Variants in UBE2W observed in about 807,000 individuals in gnomAD.
UBE2W encodes the protein ubiquitin conjugating enzyme E2 W.
UBE2W carries 18 observed loss-of-function variants against 27.2 expected under a neutral mutation model. That is an observed-to-expected ratio of 0.66 (90% CI 0.46 to 0.98). UBE2W has a LOEUF of 0.98. Ranked by LOEUF, UBE2W falls within the 50% of genes least tolerant of loss-of-function variation. The pLI, the probability that UBE2W is intolerant of heterozygous loss-of-function variation, is 0.00. For missense variants in UBE2W, 90 were observed against 180.2 expected (o/e 0.50, Z 2.87); for synonymous variants, 53 against 57.2 (o/e 0.93, Z 0.33).
chr8:73,804,693 T>C (rs1808795649), intron 5 of UBE2W, among the ~76,000 whole-genome samples: 1 of 152,090 alleles, frequency 6.6e-6, no homozygotes. Flanking sequence ...AAAACTTCTA[T>C]TTCAAACAAC....
intron 1 of UBE2W, among the ~76,000 whole-genome samples, chr8:73,846,410 A>G (rs1810800903): frequency 6.6e-6 from 1 of 152,198 alleles, no homozygotes. Context: ...AAGAAAAAGA[A>G]AAAGAAAAAA....
Position 73,787,262 on chromosome 8 carries a change from GCTT to G in UBE2W, c.*6837_*6839del, listed in dbSNP as rs1427533472. On this transcript the variant is annotated 3_prime_UTR_variant, in exon 6 of 6. Coordinates refer to ENST00000602593, the MANE Select transcript of UBE2W (RefSeq NM_018299.6). ...CACAAAACTCTTAGCTGTCTCACTT[GCTT>G]CTTCAATTTAGCTTATGTTTAATTT... 6.1e-6 allele frequency: 6 copies of G among 985,320 alleles called. No individual in the cohort carries two copies. Among genetic ancestry groups the G allele is most frequent in the African/African-American group, 5.2e-5 (3 of 57,250 alleles). 61.0% of individuals were successfully genotyped at this position (985,320 alleles called of 1,614,324 possible). A position where few individuals can be genotyped will look rare whatever the true frequency, so the allele number is the denominator to read the frequency against.
At chr8:73,863,692 A>G (rs1211200499) in intron 1 of UBE2W, among the ~76,000 whole-genome samples, 2 of 152,030 alleles carry the variant, frequency 1.3e-5, no homozygotes, top group African/African-American at 4.8e-5. Context: ...TGAGAGGTGG[A>G]GGGTGCAGTG....
At chr8:73,835,213 A>G (rs1456940757) in intron 1 of UBE2W, among the ~76,000 whole-genome samples, 1 of 150,508 alleles carries the variant, frequency 6.6e-6, no homozygotes, top group African/African-American at 2.5e-5. Context: ...TCCTGAACAT[A>G]ATGGAAAAGG....
chr8:73,789,307 TAAAAAAAAAAA>T lies in UBE2W; in HGVS notation c.*4784_*4794del, dbSNP rs10652083. On this transcript the variant is annotated 3_prime_UTR_variant, in exon 6 of 6. Transcript: ENST00000602593. ...GCAACATGGTGAGACCTCGTGTCTT[TAAAAAAAAAAA>T]AAAAAAAAAAAAAAAAAAAAAAAAT... is the stretch of plus-strand genomic sequence containing the variant. 36 of 40,060 alleles carry T rather than the reference TAAAAAAAAAAA, an allele frequency of 9.0e-4. No individual in the cohort carries two copies. The highest frequency in any genetic ancestry group is 3.8e-3 in the Admixed American group (7 of 1,844). The allele number at this position is 40,060 out of a possible 1,614,324, so 2.5% of individuals were successfully genotyped here. A position where few individuals can be genotyped will look rare whatever the true frequency, so the allele number is the denominator to read the frequency against.
At chr8:73,796,373 C>G (rs1165639992) in intron 5 of UBE2W, among the ~76,000 whole-genome samples, 1 of 152,098 alleles carries the variant, frequency 6.6e-6, no homozygotes. Context: ...AGATAAAATT[C>G]AATTTGAACA....
At chr8:73,841,202 T>G (rs191468554) in intron 1 of UBE2W, among the ~76,000 whole-genome samples, 204 of 152,268 alleles carry the variant, frequency 1.3e-3, no homozygotes, top group Non-Finnish European at 2.2e-3. Flanking sequence ...GTAGATATTA[T>G]TTTTCCCTAA....
chr8:73,866,268 TAAAAAAAA>T (rs10568367), intron 1 of UBE2W, among the ~76,000 whole-genome samples: 3 of 42,310 alleles, frequency 7.1e-5, no homozygotes, highest in African/African-American at 2.3e-4. Context: ...AGACTTGGTC[TAAAAAAAA>T]AAAAAAAAAA....
chr8:73,846,244 A>G (rs1318788667), intron 1 of UBE2W, among the ~76,000 whole-genome samples: 2 of 152,058 alleles, frequency 1.3e-5, no homozygotes, highest in Non-Finnish European at 2.9e-5. Context: ...TAAAAATACA[A>G]AATTAGCCAG....
At chr8:73,826,839 C>T (rs2130902534) in intron 2 of UBE2W, among the ~76,000 whole-genome samples, 1 of 152,342 alleles carries the variant, frequency 6.6e-6, no homozygotes, top group South Asian at 2.1e-4. Context: ...AATGACCCTA[C>T]ATACGTAAAA....
chr8:73,847,609 G>A (rs369287421), intron 1 of UBE2W, among the ~76,000 whole-genome samples: 405 of 147,988 alleles, frequency 2.7e-3, no homozygotes, highest in African/African-American at 8.7e-3. Flanking sequence ...ACGGTAAAAC[G>A]GGTATATTGC....
chr8:73,781,929 CTT>C (rs71269945), downstream of UBE2W, among the ~76,000 whole-genome samples: 75 of 95,954 alleles, frequency 7.8e-4, no homozygotes, highest in African/African-American at 1.8e-3. Context: ...TAAAAGCCTC[CTT>C]TTTTTTTTTT....
At chr8:73,860,453 C>T (rs1811493261) in intron 1 of UBE2W, among the ~76,000 whole-genome samples, 1 of 151,988 alleles carries the variant, frequency 6.6e-6, no homozygotes, top group Non-Finnish European at 1.5e-5. Flanking sequence ...ATTTATTAAC[C>T]CAGAAAACAT....
intron 1 of UBE2W, among the ~76,000 whole-genome samples, chr8:73,841,962 G>A (rs990461133): frequency 2.0e-5 from 3 of 152,124 alleles, no homozygotes; most frequent in African/African-American, 7.2e-5. Flanking sequence ...TGGATTCATA[G>A]CCTGAATTCC....
Position 73,878,859 on chromosome 8 carries a change from A to G in UBE2W, c.-37T>C, listed in dbSNP as rs533473630. 2,151 of 1,546,174 alleles carry G rather than the reference A, an allele frequency of 1.4e-3. 51 individuals are homozygous for G. The South Asian group carries it at 0.024, about 17-fold the overall frequency. ...CCCCCCAAGACCGGCGAGGCCAGAG[A>G]CGCAGGGGGAGGAGCTGCCGTGCTC... On this transcript the variant is annotated 5_prime_UTR_variant, in exon 1 of 6. Transcript: ENST00000602593.
At chr8:73,806,454 C>G (rs1334706901) in intron 4 of UBE2W, among the ~76,000 whole-genome samples, 1 of 150,152 alleles carries the variant, frequency 6.7e-6, no homozygotes, top group African/African-American at 2.5e-5. Context: ...AATCCCAGCA[C>G]TTTGGGAGGC....
In UBE2W at chr8:73,792,123, A is replaced by G. The variant is rs1275046684; in HGVS notation, c.*1979T>C. 3 of 985,218 alleles carry G rather than the reference A, an allele frequency of 3.0e-6. No homozygotes were observed. Among genetic ancestry groups the G allele is most frequent in the Non-Finnish European group, 3.6e-6 (3 of 829,800 alleles). 61.0% of individuals were successfully genotyped at this position (985,218 alleles called of 1,614,324 possible). A position where few individuals can be genotyped will look rare whatever the true frequency, so the allele number is the denominator to read the frequency against. On this transcript the variant is annotated 3_prime_UTR_variant, in exon 6 of 6. Transcript: ENST00000602593. ...GCAGTTACGCAAAATATGAAAATACATAATTTACAGCTGCAATTTTCATAT... is the reference window on the plus strand; with the variant it reads ...GCAGTTACGCAAAATATGAAAATACGTAATTTACAGCTGCAATTTTCATAT...
In UBE2W at chr8:73,867,660, A is replaced by G. The variant is rs538205804; in HGVS notation, c.15+11148T>C. ...TGGGAGGTGAAGGTTTCAGTGAGCC[A>G]AGATCATGCCACAGCCACTCCAGCG... On this transcript the variant is annotated intron_variant, in intron 1 of 5. Coordinates refer to ENST00000602593, the MANE Select transcript of UBE2W (RefSeq NM_018299.6). Among the ~76,000 whole-genome samples, 7 of 151,932 alleles carry G rather than the reference A, an allele frequency of 4.6e-5. No homozygotes were observed. In the South Asian group the frequency reaches 1.5e-3, roughly 32 times the overall value.
At chr8:73,805,368 G>A (rs1388455252) in intron 5 of UBE2W, among the ~76,000 whole-genome samples, 3 of 144,948 alleles carry the variant, frequency 2.1e-5, no homozygotes, top group South Asian at 2.2e-4. Context: ...AAGGACAATC[G>A]CTTGAACCCA....
Sources: allele counts gnomAD v4.1 joint callset (sites outside exome capture counted in the v4.1 genomes callset), GRCh38; gene constraint gnomAD v4.1.1; transcripts MANE v1.5; gene names NCBI Gene and HGNC (gene_info 2026-07-23, HGNC 2026-07-21).